The following NKAIN2 variants were observed in gnomAD, a reference collection of about 807,000 sequenced individuals.
NKAIN2 encodes the protein sodium/potassium transporting ATPase interacting 2.
Under a neutral mutation model 32.6 loss-of-function variants are expected in NKAIN2, and 14 were observed. The observed-to-expected ratio is 0.43, with a 90% CI of 0.28 to 0.67. NKAIN2 has a LOEUF of 0.67. Among genes scored for constraint, NKAIN2 ranks in the 30% least tolerant of loss-of-function variants. The pLI is 0.17. For synonymous variants in NKAIN2, 80 were observed against 87.2 expected (o/e 0.92, Z 0.46); for missense variants, 198 against 258.3 (o/e 0.77, Z 1.60).
At chr6:124,500,139 T>C (rs1317568269) in intron 3 of NKAIN2, among the ~76,000 whole-genome samples, 1 of 152,186 alleles carries the variant, frequency 6.6e-6, no homozygotes, top group Non-Finnish European at 1.5e-5. Flanking sequence ...CTATTTAAAT[T>C]TGTTCAACTA....
At chr6:124,675,785 G>T (rs1180563513) in intron 4 of NKAIN2, among the ~76,000 whole-genome samples, 3 of 151,616 alleles carry the variant, frequency 2.0e-5, no homozygotes, top group African/African-American at 7.3e-5. Context: ...TCAAAAAACA[G>T]TTGTTAGTTT....
intron 3 of NKAIN2, among the ~76,000 whole-genome samples, chr6:124,418,903 T>C (rs1774620497): frequency 6.6e-6 from 1 of 152,100 alleles, no homozygotes; most frequent in Admixed American, 6.6e-5. Context: ...ACACAGTCTA[T>C]ATCAAATGGT....
At chr6:124,517,721 A>G (rs1035883370) in intron 3 of NKAIN2, among the ~76,000 whole-genome samples, 2 of 152,186 alleles carry the variant, frequency 1.3e-5, no homozygotes, top group East Asian at 1.9e-4. Context: ...TAATCATATT[A>G]CAATTGATTC....
rs181558317 is a variant in NKAIN2, at chr6:124,406,966, G to C, written c.273+51619G>C. 6.1e-4 allele frequency among the ~76,000 whole-genome samples: 92 copies of C among 151,616 alleles called. 1 individual carries two copies. Among genetic ancestry groups the C allele is most frequent in the African/African-American group, 2.2e-3 (89 of 41,356 alleles). Reference sequence around the variant, plus strand: ...TATGTTTATAATTTTATGTATATTCGATACAATTGCCTTATCAGATATATG... The same window carrying C: ...TATGTTTATAATTTTATGTATATTCCATACAATTGCCTTATCAGATATATG... On this transcript the variant is annotated intron_variant, in intron 3 of 6. Transcript: ENST00000368417.
chr6:124,467,183 A>G (rs2114663394), intron 3 of NKAIN2, among the ~76,000 whole-genome samples: 1 of 152,224 alleles, frequency 6.6e-6, no homozygotes, highest in Non-Finnish European at 1.5e-5. Context: ...TGGAAAGTTT[A>G]TAAAAACAAG....
chr6:124,075,154 A>T (rs1038494618), intron 1 of NKAIN2, among the ~76,000 whole-genome samples: 2 of 152,164 alleles, frequency 1.3e-5, no homozygotes, highest in African/African-American at 2.4e-5. Flanking sequence ...AACTTCTGTT[A>T]TTGTCGTTAA....
intron 1 of NKAIN2, among the ~76,000 whole-genome samples, chr6:124,275,475 C>G (rs1307226515): frequency 1.3e-5 from 2 of 152,004 alleles, no homozygotes; most frequent in African/African-American, 4.8e-5. Flanking sequence ...TTGTGATGAA[C>G]TATGTGGAGA....
chr6:124,566,131 T>G (rs1780901022), intron 3 of NKAIN2, among the ~76,000 whole-genome samples: 1 of 152,218 alleles, frequency 6.6e-6, no homozygotes, highest in South Asian at 2.1e-4. Context: ...TGGCAATTAC[T>G]ATTACTCTGT....
intron 4 of NKAIN2, among the ~76,000 whole-genome samples, chr6:124,742,691 A>C (rs371089190): frequency 6.6e-6 from 1 of 151,838 alleles, no homozygotes; most frequent in Admixed American, 6.6e-5. Flanking sequence ...TCACAAACAT[A>C]TTGTGTTCTC....
intron 2 of NKAIN2, among the ~76,000 whole-genome samples, chr6:124,321,466 A>G (rs1797189079): frequency 6.6e-6 from 1 of 152,190 alleles, no homozygotes. Flanking sequence ...CTTAAAGTAT[A>G]ATAAAAATTA....
chr6:124,169,715 G>A (rs1432831713), intron 1 of NKAIN2, among the ~76,000 whole-genome samples: 1 of 152,076 alleles, frequency 6.6e-6, no homozygotes, highest in African/African-American at 2.4e-5. Flanking sequence ...ACTTTGAATG[G>A]AAAATCTTAT....
intron 1 of NKAIN2, among the ~76,000 whole-genome samples, chr6:124,195,085 TATA>T (rs1425110362): frequency 6.6e-6 from 1 of 151,630 alleles, no homozygotes; most frequent in African/African-American, 2.4e-5. Context: ...TATTAAACAT[TATA>T]AATTTAATTC....
At chr6:124,271,797 A>G (rs144352342) in intron 1 of NKAIN2, among the ~76,000 whole-genome samples, 337 of 152,324 alleles carry the variant, frequency 2.2e-3, no homozygotes, top group African/African-American at 7.7e-3. Context: ...TGAGGTGGTC[A>G]CAGATGGAGA....
At chr6:123,812,727 C>G (rs6899902) in intron 1 of NKAIN2, among the ~76,000 whole-genome samples, 12,309 of 152,182 alleles carry the variant, frequency 0.081, 1,301 homozygotes, top group African/African-American at 0.24. Context: ...TACATATTTG[C>G]CTTAGGCGGG....
At chr6:124,520,842 C>A (rs1439062652) in intron 3 of NKAIN2, among the ~76,000 whole-genome samples, 3 of 152,156 alleles carry the variant, frequency 2.0e-5, no homozygotes, top group African/African-American at 7.2e-5. Flanking sequence ...CCTTTGTTGG[C>A]ATGACCTGAA....
chr6:124,390,212 T>C (rs1010821006), intron 3 of NKAIN2, among the ~76,000 whole-genome samples: 1 of 152,122 alleles, frequency 6.6e-6, no homozygotes, highest in Non-Finnish European at 1.5e-5. Context: ...TTCATTAGTA[T>C]ATTTCCACCT....
chr6:124,791,904 T>C (rs1779761668), intron 5 of NKAIN2, among the ~76,000 whole-genome samples: 1 of 152,166 alleles, frequency 6.6e-6, no homozygotes, highest in African/African-American at 2.4e-5. Flanking sequence ...TTTTTGTTCC[T>C]ACTATTTGAC....
At chr6:124,651,499 TA>T (rs1784367042) in intron 3 of NKAIN2, among the ~76,000 whole-genome samples, 1 of 152,192 alleles carries the variant, frequency 6.6e-6, no homozygotes, top group Admixed American at 6.5e-5. Context: ...GATGCTGCCA[TA>T]ACTCCATAGC....
chr6:124,565,198 G>A lies in NKAIN2; in HGVS notation c.274-92988G>A, dbSNP rs553461360. On this transcript the variant is annotated intron_variant, in intron 3 of 6. Coordinates refer to ENST00000368417, the MANE Select transcript of NKAIN2 (RefSeq NM_001040214.3). ...CTTAACTTTGCATATCCAGAAACTT[G>A]ATTCTTAGTGCTCAGGCAGAATGAG... Among the ~76,000 whole-genome samples the A allele has an allele frequency of 1.1e-3, 163 of 152,214 alleles. 1 individual carries two copies. Among genetic ancestry groups the A allele is most frequent in the Middle Eastern group, 6.8e-3 (2 of 294 alleles).
Sources: gnomAD v4.1 joint callset for allele counts (sites outside exome capture counted in the v4.1 genomes callset) on GRCh38, gnomAD v4.1.1 for gene constraint, MANE v1.5 for transcripts, NCBI Gene and HGNC (gene_info 2026-07-23, HGNC 2026-07-21) for gene names.